Variants in EDA observed in about 807,000 individuals in gnomAD.
EDA encodes the protein ectodysplasin A, also known as ectodysplasin-A.
Under a neutral mutation model 23.6 loss-of-function variants are expected in EDA, and 2 were observed. The observed-to-expected ratio is 0.08, with a 90% CI of 0.03 to 0.27. The LOEUF is 0.27. Among genes scored for constraint, EDA ranks in the 10% least tolerant of loss-of-function variants. The pLI is 1.00. For synonymous variants in EDA, 131 were observed against 132.0 expected, an observed-to-expected ratio of 0.99 and a Z score of 0.05; for missense variants, 229 against 324.2, an observed-to-expected ratio of 0.71 and a Z score of 2.26.
intron 7 of EDA, among the ~76,000 whole-genome samples, chrX:70,034,513 A>C (rs769294435): frequency 9.8e-5 from 11 of 111,832 alleles, no homozygotes; most frequent in Non-Finnish European, 1.9e-4. Flanking sequence ...CTGTGAGCCA[A>C]GTTCCACGTG....
intron 1 of EDA, among the ~76,000 whole-genome samples, chrX:69,655,027 A>G (rs1240610693): frequency 1.8e-5 from 2 of 111,619 alleles, no homozygotes; most frequent in African/African-American, 6.5e-5. Flanking sequence ...GTATAAACGT[A>G]TTTTCTCATT....
At chrX:69,726,935 T>C (rs1254558996) in intron 1 of EDA, among the ~76,000 whole-genome samples, 1 of 112,358 alleles carries the variant, frequency 8.9e-6, no homozygotes. Context: ...CGGCTACGTG[T>C]TAAACCAGCT....
chrX:69,869,528 G>C (rs2017534347), intron 1 of EDA, among the ~76,000 whole-genome samples: 1 of 111,619 alleles, frequency 9.0e-6, no homozygotes, highest in South Asian at 3.8e-4. Flanking sequence ...CTTCATTCAA[G>C]GGGTTCTGGG....
intron 2 of EDA, among the ~76,000 whole-genome samples, chrX:69,993,286 T>C (rs1240104746): frequency 9.0e-6 from 1 of 111,259 alleles, no homozygotes; most frequent in African/African-American, 3.3e-5. Context: ...TTATTACAGG[T>C]ACCCCAAATA....
chrX:69,657,388 G>A (rs1309073640), intron 1 of EDA, among the ~76,000 whole-genome samples: 2 of 111,425 alleles, frequency 1.8e-5, no homozygotes, highest in African/African-American at 6.5e-5. Context: ...GTCTTTTGTT[G>A]GATGCATATT....
intron 1 of EDA, among the ~76,000 whole-genome samples, chrX:69,670,908 G>A (rs757192123): frequency 9.0e-6 from 1 of 111,510 alleles, no homozygotes; most frequent in South Asian, 3.7e-4. Flanking sequence ...CAGGTAATTT[G>A]TAAGTTTACA....
intron 1 of EDA, chrX:69,860,871 TG>T (rs2017368598): frequency 1.9e-6 from 1 of 523,112 alleles, no homozygotes; most frequent in Admixed American, 2.7e-5. Flanking sequence ...ACCAATGAGT[TG>T]TGTCTTCCCT....
At chrX:69,655,877 T>A (rs778920894) in intron 1 of EDA, among the ~76,000 whole-genome samples, 22 of 102,711 alleles carry the variant, frequency 2.1e-4, no homozygotes, top group African/African-American at 7.7e-4. Context: ...CCCTGTCCCA[T>A]TATTCATGTC....
chrX:69,826,256 T>C (rs1430790713), intron 1 of EDA, among the ~76,000 whole-genome samples: 5 of 111,113 alleles, frequency 4.5e-5, no homozygotes. Flanking sequence ...GATATCCTTG[T>C]TAACCTTCTG....
At chrX:69,879,669 A>G (rs1266048189) in intron 1 of EDA, among the ~76,000 whole-genome samples, 1 of 112,230 alleles carries the variant, frequency 8.9e-6, no homozygotes, top group African/African-American at 3.2e-5. Flanking sequence ...TTCCTCCTCA[A>G]AACAGAACAA....
At chrX:69,829,239 G>C (rs1814781584) in intron 1 of EDA, among the ~76,000 whole-genome samples, 1 of 111,927 alleles carries the variant, frequency 8.9e-6, no homozygotes, top group Non-Finnish European at 1.9e-5. Context: ...GTAAATATTT[G>C]TTAAATGGAT....
At chrX:69,919,374 G>A (rs1462160846) in intron 1 of EDA, among the ~76,000 whole-genome samples, 1 of 112,230 alleles carries the variant, frequency 8.9e-6, no homozygotes, top group Non-Finnish European at 1.9e-5. Flanking sequence ...TCAGAACCAT[G>A]AGACCGCCAA....
At chrX:69,827,443 ATTCAT>A (rs1317417330) in intron 1 of EDA, among the ~76,000 whole-genome samples, 2 of 110,829 alleles carry the variant, frequency 1.8e-5, no homozygotes, top group African/African-American at 6.6e-5. Flanking sequence ...GCTTCATTTC[ATTCAT>A]TTCATCTTCC....
chrX:69,796,455 A>G (rs950409811), intron 1 of EDA, among the ~76,000 whole-genome samples: 3 of 111,835 alleles, frequency 2.7e-5, no homozygotes, highest in African/African-American at 9.8e-5. Context: ...GAAATTACAG[A>G]TATCCCTGAT....
chrX:69,785,096 CT>C (rs752002377), intron 1 of EDA, among the ~76,000 whole-genome samples: 1,470 of 104,454 alleles, frequency 0.014, 28 homozygotes, highest in African/African-American at 0.05. Flanking sequence ...CTCTGTTTGT[CT>C]GTTGTTGGTG....
intron 1 of EDA, among the ~76,000 whole-genome samples, chrX:69,836,119 G>A (rs1481859150): frequency 1.8e-5 from 2 of 111,777 alleles, no homozygotes; most frequent in Non-Finnish European, 3.8e-5. Context: ...CATCCCAGAC[G>A]GGCAGCCACC....
intron 1 of EDA, among the ~76,000 whole-genome samples, chrX:69,839,763 G>C (rs971716999): frequency 8.9e-6 from 1 of 112,162 alleles, no homozygotes; most frequent in African/African-American, 3.2e-5. Context: ...TGATCAGCCA[G>C]ATGGTGAAGT....
intron 2 of EDA, among the ~76,000 whole-genome samples, chrX:69,961,017 C>CAAA (rs769522012): frequency 1.1e-4 from 9 of 84,814 alleles, no homozygotes; most frequent in East Asian, 3.1e-4. Context: ...AAACTCCATC[C>CAAA]AAAAAAAGAA....
chrX:69,662,920 A>G (rs1933560599), intron 1 of EDA, among the ~76,000 whole-genome samples: 1 of 112,034 alleles, frequency 8.9e-6, no homozygotes, highest in South Asian at 3.7e-4. Flanking sequence ...TGAACTTGAG[A>G]AAATTCTAGG....
Sources: gnomAD v4.1 joint callset for allele counts (sites outside exome capture counted in the v4.1 genomes callset) on GRCh38, gnomAD v4.1.1 for gene constraint, MANE v1.5 for transcripts, NCBI Gene and HGNC (gene_info 2026-07-23, HGNC 2026-07-21) for gene names.